The following MS4A14 variants were observed in gnomAD, a reference collection of about 807,000 sequenced individuals.
MS4A14 encodes the protein membrane-spanning 4-domains subfamily A member 14.
Under a neutral mutation model 16.7 loss-of-function variants are expected in MS4A14, and 18 were observed. That is an observed-to-expected ratio of 1.08 (90% CI 0.75 to 1.60). The LOEUF is 1.60. Among genes scored for constraint, MS4A14 ranks in the 40% most tolerant of loss-of-function variants. MS4A14 has a pLI of 0.00. For synonymous variants in MS4A14, 305 were observed against 289.4 expected (o/e 1.05, Z -0.55); for missense variants, 812 against 775.3 (o/e 1.05, Z -0.56).
Position 60,416,042 on chromosome 11 carries a change from AG to A in MS4A14, c.1076del (p.Gly359AlafsTer17). 1 of 1,613,584 alleles carries A rather than the reference AG, an allele frequency of 6.2e-7. No homozygotes were observed. The highest frequency in any genetic ancestry group is 1.1e-5 in the South Asian group (1 of 91,036). Reference sequence around the variant, plus strand: ...TGACAGCTAATGACCTGCCCCCTCAAGGCATACTATCCCAAGACACATCATC... The same window carrying A: ...TGACAGCTAATGACCTGCCCCCTCAAGCATACTATCCCAAGACACATCATC... ...NLTANDLPPQ[G>X]ILSQDTSSQD... On this transcript the variant is annotated frameshift_variant, in exon 5 of 5. Coordinates refer to ENST00000300187, the MANE Select transcript of MS4A14 (RefSeq NM_032597.5). LOFTEE classifies it low-confidence loss of function (END_TRUNC).
At chr11:60,406,777 C>T (rs955019) in intron 4 of MS4A14, among the ~76,000 whole-genome samples, 84,991 of 151,946 alleles carry the variant, frequency 0.56, 24,269 homozygotes, top group Middle Eastern at 0.67. Flanking sequence ...TCCTAGCATC[C>T]CGGAAGGTTC....
At chr11:60,411,187 A>C (rs992286018) in intron 4 of MS4A14, among the ~76,000 whole-genome samples, 3 of 152,194 alleles carry the variant, frequency 2.0e-5, no homozygotes, top group Non-Finnish European at 2.9e-5. Context: ...TACGTTTCAA[A>C]GTTGGAAAGT....
chr11:60,400,465 TA>T lies in MS4A14; in HGVS notation c.318+14del. ...AAATCAAAACTTCTGGTAAGCCACT[TA>T]AACTACATAAAATTTAAAATCTTCT... On this transcript the variant is annotated intron_variant, in intron 3 of 4. Transcript: ENST00000300187. The T allele has an allele frequency of 6.4e-7, 1 of 1,572,554 alleles. No homozygotes were observed. Among genetic ancestry groups the T allele is most frequent in the Non-Finnish European group, 8.7e-7 (1 of 1,144,882 alleles).
chr11:60,414,410 G>A lies in MS4A14; in HGVS notation c.469-1027G>A, dbSNP rs564119698. Among the ~76,000 whole-genome samples, 4 of 152,156 alleles carry A rather than the reference G, an allele frequency of 2.6e-5. 1 individual carries two copies. The highest frequency in any genetic ancestry group is 2.6e-4 in the Admixed American group (4 of 15,272). On this transcript the variant is annotated intron_variant, in intron 4 of 4. Transcript: ENST00000300187. ...TCTAGGCCTGCTATTAGCAAACGAG[G>A]TAAGCATAATTAATTCATTTAATCA...
intron 4 of MS4A14, among the ~76,000 whole-genome samples, chr11:60,411,466 A>G (rs1292763128): frequency 1.3e-5 from 2 of 152,236 alleles, no homozygotes; most frequent in Non-Finnish European, 2.9e-5. Context: ...TTTTTAGCAT[A>G]GAGGTCTTTC....
chr11:60,410,139 A>T (rs2085847441), intron 4 of MS4A14, among the ~76,000 whole-genome samples: 1 of 152,216 alleles, frequency 6.6e-6, no homozygotes, highest in Non-Finnish European at 1.5e-5. Flanking sequence ...GATTAAAGGC[A>T]TGAGTCACCA....
chr11:60,398,810 A>G (rs1197786953), intron 2 of MS4A14, among the ~76,000 whole-genome samples: 3 of 152,202 alleles, frequency 2.0e-5, no homozygotes, highest in Non-Finnish European at 4.4e-5. Flanking sequence ...TTCAGAAACA[A>G]CCAGCAGTGT....
At chr11:60,397,105 C>T (rs370250610) in intron 1 of MS4A14, among the ~76,000 whole-genome samples, 9 of 152,306 alleles carry the variant, frequency 5.9e-5, no homozygotes, top group African/African-American at 2.2e-4. Context: ...CACAAATGCA[C>T]CCAGGGGAGA....
intron 3 of MS4A14, among the ~76,000 whole-genome samples, 181 bp downstream of exon 3, chr11:60,400,635 C>T (rs1451034259): frequency 6.6e-6 from 1 of 152,134 alleles, no homozygotes; most frequent in Admixed American, 6.6e-5. Flanking sequence ...TACACTTGTT[C>T]CCATTTCCCT....
At chr11:60,406,336 A>G (rs1481421865) in intron 4 of MS4A14, among the ~76,000 whole-genome samples, 1 of 152,228 alleles carries the variant, frequency 6.6e-6, no homozygotes, top group East Asian at 1.9e-4. Flanking sequence ...GATGTGTGAC[A>G]CAGTTCCACC....
chr11:60,409,579 T>A (rs1253690947), intron 4 of MS4A14, among the ~76,000 whole-genome samples: 29 of 148,096 alleles, frequency 2.0e-4, no homozygotes, highest in Non-Finnish European at 3.9e-4. Flanking sequence ...AATGTATATT[T>A]TATATATATA....
intron 4 of MS4A14, among the ~76,000 whole-genome samples, chr11:60,409,325 C>T (rs1565177597): frequency 1.3e-5 from 2 of 152,070 alleles, no homozygotes; most frequent in Admixed American, 1.3e-4. Context: ...CCCATCCTCC[C>T]TACCTTCCCT....
At chr11:60,406,534 G>C (rs894050353) in intron 4 of MS4A14, among the ~76,000 whole-genome samples, 6 of 152,302 alleles carry the variant, frequency 3.9e-5, no homozygotes, top group South Asian at 4.1e-4. Context: ...AAGGCACAAA[G>C]AGGCTAAACT....
Position 60,414,552 on chromosome 11 carries a change from C to T in MS4A14, c.469-885C>T, listed in dbSNP as rs549190531. 2.6e-5 allele frequency among the ~76,000 whole-genome samples: 4 copies of T among 152,212 alleles called. No individual in the cohort carries two copies. The East Asian group carries it at 7.7e-4, about 29-fold the overall frequency. On this transcript the variant is annotated intron_variant, in intron 4 of 4. Coordinates refer to ENST00000300187, the MANE Select transcript of MS4A14 (RefSeq NM_032597.5). ...AAAGCAGCAGGTTGTGCTGCAGTAA[C>T]AACCTCCTAAAAATTATAATAATAA...
At chr11:60,408,181 C>A (rs931777948) in intron 4 of MS4A14, among the ~76,000 whole-genome samples, 1 of 152,102 alleles carries the variant, frequency 6.6e-6, no homozygotes, top group Admixed American at 6.6e-5. Context: ...TGTTGAAAAT[C>A]AATTTACTTA....
chr11:60,404,596 T>C, intron 4 of MS4A14: 1 of 457,060 alleles, frequency 2.2e-6, no homozygotes, highest in Non-Finnish European at 4.4e-6. Context: ...TATAATCCCT[T>C]AATGTGTCAA....
chr11:60,403,801 T>A (rs2135131548), intron 4 of MS4A14, among the ~76,000 whole-genome samples: 1 of 152,330 alleles, frequency 6.6e-6, no homozygotes, highest in Admixed American at 6.5e-5. Context: ...AAGCATGGGT[T>A]CTATAATTTG....
At chr11:60,415,341 A>T in intron 4 of MS4A14, 96 bp from the exon 5 acceptor site, 3 of 1,320,720 alleles carry the variant, frequency 2.3e-6, no homozygotes, top group Non-Finnish European at 3.1e-6. Context: ...TTTCCTATCT[A>T]CTGTCTTAAG....
chr11:60,406,009 T>C (rs1477756937), intron 4 of MS4A14: 4 of 1,405,924 alleles, frequency 2.8e-6, no homozygotes, highest in Non-Finnish European at 3.7e-6. Context: ...TGTCTCTTAA[T>C]ATTATTAAGA....
Sources: allele counts gnomAD v4.1 joint callset (sites outside exome capture counted in the v4.1 genomes callset), GRCh38; gene constraint gnomAD v4.1.1; transcripts MANE v1.5; gene names NCBI Gene and HGNC (gene_info 2026-07-23, HGNC 2026-07-21).